The following ATP13A3 variants were observed in gnomAD, a reference collection of about 807,000 sequenced individuals.
ATP13A3 encodes polyamine-transporting ATPase 13A3.
In ATP13A3, 59 loss-of-function variants were observed where a neutral mutation model predicts 158.1. The ratio of observed to expected loss-of-function variants is 0.37; its 90% CI spans 0.30 to 0.46. ATP13A3 has a LOEUF of 0.46. Among genes scored for constraint, ATP13A3 ranks in the 20% least tolerant of loss-of-function variants. The pLI is 1.00. For missense variants in ATP13A3, 1,166 were observed against 1,525.2 expected (o/e 0.76, Z 3.92); for synonymous variants, 491 against 504.3 (o/e 0.97, Z 0.35).
Position 194,406,103 on chromosome 3 carries a change from C to T in ATP13A3, c.3587G>A (p.Arg1196Gln), listed in dbSNP as rs1233229224. Reference protein sequence around the residue: ...TTQPPQESVDRWGKCCLPWAL... With the variant: ...TTQPPQESVDQWGKCCLPWAL... ...CCAGGGTAAGCAGCATTTTCCCCAC[C>T]GATCCACTGACTCCTAAGAAAATAA... The change falls in exon 34 of 34, where the codon CGG becomes CAG. Residue 1196 changes from arginine (R) to glutamine (Q), a missense_variant. This residue lies in a region of ATP13A3 where 997 missense variants were observed against 1,341.2 expected (regional missense o/e 0.74). Transcript: ENST00000645319. The T allele has an allele frequency of 1.8e-5, 29 of 1,613,898 alleles. No individual in the cohort carries two copies. The highest frequency in any genetic ancestry group is 2.7e-5 in the African/African-American group (2 of 74,864).
At chr3:194,483,295 A>G (rs1268002735) in intron 2 of ATP13A3, among the ~76,000 whole-genome samples, 2 of 151,260 alleles carry the variant, frequency 1.3e-5, no homozygotes, top group African/African-American at 2.4e-5. Context: ...GGGGGGAAAA[A>G]AAAAGAAAAA....
intron 32 of ATP13A3, 139 bp downstream of exon 32, chr3:194,413,620 G>A: frequency 3.9e-6 from 3 of 775,260 alleles, no homozygotes; most frequent in East Asian, 2.5e-5. Flanking sequence ...CACAAGAGAA[G>A]GCTAAATGAA....
chr3:194,445,020 A>G (rs1159252507), intron 14 of ATP13A3, among the ~76,000 whole-genome samples: 4 of 152,134 alleles, frequency 2.6e-5, no homozygotes. Context: ...TCTTCTGCGT[A>G]AGGGCAGAGA....
At chr3:194,493,904 G>A (rs1721175963) in intron 2 of ATP13A3, 1 of 343,420 alleles carries the variant, frequency 2.9e-6, no homozygotes, top group South Asian at 1.5e-4. Context: ...AACAATTCTA[G>A]GAAGGAGGTA....
At chr3:194,475,023 A>C (rs908098779) in intron 2 of ATP13A3, among the ~76,000 whole-genome samples, 5 of 152,340 alleles carry the variant, frequency 3.3e-5, no homozygotes, top group African/African-American at 1.2e-4. Flanking sequence ...AAAGATACTG[A>C]AATAGCGCAG....
chr3:194,429,432 G>A (rs891036625), intron 27 of ATP13A3, among the ~76,000 whole-genome samples: 4 of 152,110 alleles, frequency 2.6e-5, no homozygotes, highest in East Asian at 1.9e-4. Context: ...TGTGGCCATC[G>A]CTGTTTATAC....
chr3:194,427,335 C>A, intron 28 of ATP13A3, 83 bp from the exon 29 acceptor site: 1 of 1,297,264 alleles, frequency 7.7e-7, no homozygotes, highest in Non-Finnish European at 1.0e-6. Flanking sequence ...CATTTAGGAA[C>A]TTTAAAAATT....
At chr3:194,447,255 T>G (rs1157798076) in intron 13 of ATP13A3, 140 bp from the exon 14 acceptor site, 2 of 661,344 alleles carry the variant, frequency 3.0e-6, no homozygotes, top group Non-Finnish European at 4.9e-6. Context: ...TACATATCTA[T>G]TAACCATATA....
chr3:194,480,343 T>TC (rs1720701981), intron 2 of ATP13A3, among the ~76,000 whole-genome samples: 1 of 152,208 alleles, frequency 6.6e-6, no homozygotes, highest in South Asian at 2.1e-4. Flanking sequence ...ATAAGACTGT[T>TC]AAGTTTTTAG....
At position 194,460,562 on chromosome 3, in the gene ATP13A3, G is replaced by T. The variant is rs190582734; in HGVS notation, c.225+96C>A. ...TAGCATTCCTCATTTTATCCAGGCA[G>T]CGATGTTCCCTTCATCTATTATTTC... On this transcript the variant is annotated intron_variant, in intron 4 of 33. Coordinates refer to ENST00000645319, the MANE Select transcript of ATP13A3 (RefSeq NM_001367549.1). 1,919 of 1,261,056 alleles carry T rather than the reference G, an allele frequency of 1.5e-3. 4 individuals carry two copies. Among genetic ancestry groups the T allele is most frequent in the Non-Finnish European group, 1.6e-3 (1,412 of 906,150 alleles). 78.1% of individuals were successfully genotyped at this position (1,261,056 alleles called of 1,614,324 possible). A position where few individuals can be genotyped will look rare whatever the true frequency, so the allele number is the denominator to read the frequency against.
chr3:194,439,811 T>C (rs1255336909), intron 16 of ATP13A3, among the ~76,000 whole-genome samples: 2 of 152,198 alleles, frequency 1.3e-5, no homozygotes, highest in Non-Finnish European at 2.9e-5. Context: ...AATATGCCAT[T>C]ATACACATTT....
intron 18 of ATP13A3, 25 bp downstream of exon 18, chr3:194,437,531 T>C: frequency 1.9e-6 from 3 of 1,611,688 alleles, no homozygotes; most frequent in Admixed American, 3.3e-5. Flanking sequence ...ATATACTTAG[T>C]AAGAAGTAAA....
intron 2 of ATP13A3, among the ~76,000 whole-genome samples, chr3:194,480,461 GCT>G (rs1720706856): frequency 6.6e-6 from 1 of 151,540 alleles, no homozygotes; most frequent in Non-Finnish European, 1.5e-5. Context: ...AATTTACATC[GCT>G]CTTTTAAAAC....
chr3:194,466,542 T>C (rs1461823123), intron 2 of ATP13A3, among the ~76,000 whole-genome samples: 3 of 152,198 alleles, frequency 2.0e-5, no homozygotes, highest in Non-Finnish European at 4.4e-5. Context: ...AAAAAACCCA[T>C]CTTTATTGAC....
chr3:194,433,844 T>C lies in ATP13A3; in HGVS notation c.2173A>G (p.Lys725Glu). 1 of 1,614,050 alleles carries C rather than the reference T, an allele frequency of 6.2e-7. No homozygotes were observed. The highest frequency in any genetic ancestry group is 8.5e-7 in the Non-Finnish European group (1 of 1,179,904). ...DFMGLIIMQN[K>E]LKQETPAVLE... ...ACTGCAGGGGTTTCTTGCTTTAATT[T>C]GTTCTGCATTATAATTAATCCCATA... is the stretch of plus-strand genomic sequence containing the variant. Residue 725 changes from lysine (K) to glutamate (E), a missense_variant, in exon 21 of 34, where the codon AAA (lysine) becomes GAA (glutamate). By Grantham distance (56) the Lys-to-Glu change is moderately conservative (BLOSUM62 1). This residue lies in a region of ATP13A3 where 997 missense variants were observed against 1,341.2 expected (regional missense o/e 0.74). Transcript: ENST00000645319.
chr3:194,427,662 TAAATAAATAAATA>T (rs1178548229), intron 28 of ATP13A3, among the ~76,000 whole-genome samples: 255 of 148,320 alleles, frequency 1.7e-3, no homozygotes, highest in African/African-American at 5.8e-3. Context: ...AATAAATAAA[TAAATAAATAAATA>T]AATAAATAAT....
intron 33 of ATP13A3, among the ~76,000 whole-genome samples, chr3:194,409,032 C>G (rs1021301181): frequency 1.3e-5 from 2 of 152,308 alleles, no homozygotes; most frequent in African/African-American, 4.8e-5. Flanking sequence ...AACACAGTAG[C>G]TATAGCAACC....
In ATP13A3 at chr3:194,431,717, C is replaced by T; in HGVS notation, c.2421G>A (p.Glu807=). ...QCSHPSAIDP[E]AIPVKLVHDS... is the part of the protein sequence containing the mutation. ...AACGGACAGTCGATCTTGACCTTACCTCTGGGTCAATTGCTGATGGATGAC... is the reference window on the plus strand; with the variant it reads ...AACGGACAGTCGATCTTGACCTTACTTCTGGGTCAATTGCTGATGGATGAC... The change falls in exon 22 of 34, where the codon GAG becomes GAA. Residue 807 remains glutamate (E), a splice_region_variant and synonymous_variant. Coordinates refer to ENST00000645319, the MANE Select transcript of ATP13A3 (RefSeq NM_001367549.1). 6.4e-7 allele frequency: 1 copy of T among 1,559,168 alleles called. No homozygotes were observed. Among genetic ancestry groups the T allele is most frequent in the Non-Finnish European group, 8.7e-7 (1 of 1,154,518 alleles).
chr3:194,453,653 T>C (rs1718983015), intron 10 of ATP13A3, 53 bp downstream of exon 10: 1 of 1,424,682 alleles, frequency 7.0e-7, no homozygotes, highest in Admixed American at 1.7e-5. Context: ...CTTCACACAT[T>C]ATGCCTAACA....
Sources: gnomAD v4.1 joint callset for allele counts (sites outside exome capture counted in the v4.1 genomes callset) on GRCh38, gnomAD v4.1.1 for gene constraint, gnomAD v4.1.1 regional missense constraint, MANE v1.5 for transcripts, NCBI Gene and HGNC (gene_info 2026-07-23, HGNC 2026-07-21) for gene names.